Variants in PPID observed in about 807,000 individuals in gnomAD.
PPID encodes peptidyl-prolyl cis-trans isomerase D.
PPID carries 47 observed loss-of-function variants against 48.1 expected under a neutral mutation model. The observed-to-expected ratio is 0.98, with a 90% CI of 0.77 to 1.25. The LOEUF is 1.25. Among genes scored for constraint, PPID ranks in the 50% most tolerant of loss-of-function variants. The pLI is 0.00. For synonymous variants in PPID, 163 were observed against 148.8 expected (o/e 1.10, Z -0.69); for missense variants, 429 against 443.5 (o/e 0.97, Z 0.29).
rs1774820589 is a variant in PPID, at chr4:158,713,371, T to A, written c.753-111A>T. ...CTGATATAAAAAGCTCTAAAAATGC[T>A]ATTAATAATCTTAATGATCACACTT... On this transcript the variant is annotated intron_variant, in intron 6 of 9. Coordinates refer to ENST00000307720, the MANE Select transcript of PPID (RefSeq NM_005038.3). The A allele has an allele frequency of 2.7e-6, 3 of 1,113,442 alleles. No individual in the cohort carries two copies. The South Asian group carries it at 6.9e-5, about 26-fold the overall frequency. The allele number at this position is 1,113,442 out of a possible 1,614,324, so 69.0% of individuals were successfully genotyped here.
In PPID at chr4:158,716,885, T is replaced by C. The variant is rs6817005; in HGVS notation, c.522+127A>G. The C allele has an allele frequency of 4.1e-3, 3,806 of 924,946 alleles. 79 individuals carry two copies. In the African/African-American group the frequency reaches 0.049, roughly 12 times the overall value. The allele number at this position is 924,946 out of a possible 1,614,324, so 57.3% of individuals were successfully genotyped here. A position where few individuals can be genotyped will look rare whatever the true frequency, so the allele number is the denominator to read the frequency against. The stretch of plus-strand genomic sequence containing the variant: ...CTGAGGCAGGAGAATAGCTTGAACC[T>C]GGGAGACAGAGGCTGCAGTGAGCCG... On this transcript the variant is annotated intron_variant, in intron 4 of 9. Transcript: ENST00000307720.
Position 158,719,968 on chromosome 4 carries a change from G to A in PPID, c.227-682C>T, listed in dbSNP as rs17843903. 2.5e-3 allele frequency among the ~76,000 whole-genome samples: 382 copies of A among 152,184 alleles called. 1 individual carries two copies. The highest frequency in any genetic ancestry group is 8.9e-3 in the African/African-American group (369 of 41,494). On this transcript the variant is annotated intron_variant, in intron 2 of 9. Transcript: ENST00000307720. Reference sequence around the variant, plus strand: ...GTGCAGGCTTCCTTATGCTTTCTCCGTCCCATGAAGTGCTACAGAACACAC... The same window carrying A: ...GTGCAGGCTTCCTTATGCTTTCTCCATCCCATGAAGTGCTACAGAACACAC...
chr4:158,712,784 T>G (rs1021580933), intron 7 of PPID, among the ~76,000 whole-genome samples: 2 of 151,918 alleles, frequency 1.3e-5, no homozygotes, highest in Non-Finnish European at 2.9e-5. Context: ...AAAAAAGCCA[T>G]GCCTGACTGA....
intron 9 of PPID, chr4:158,710,352 G>A (rs1261665732): frequency 1.9e-6 from 1 of 535,038 alleles, no homozygotes; most frequent in Non-Finnish European, 3.3e-6. Flanking sequence ...AAGACAAACA[G>A]TATTTAGACA....
chr4:158,713,363 A>G, intron 6 of PPID, 103 bp from the exon 7 acceptor site: 2 of 1,153,542 alleles, frequency 1.7e-6, no homozygotes. Context: ...AAAAAGCTCT[A>G]AAAATGCTAT....
At position 158,715,578 on chromosome 4, in the gene PPID, T is replaced by A. The variant is rs1580430927; in HGVS notation, c.629A>T (p.Asp210Val). The change falls in exon 5 of 10, where the codon GAT becomes GTT. Residue 210 changes from aspartate (D) to valine (V), a missense_variant. Physicochemically the swap from Asp to Val is radical, Grantham distance 152 (BLOSUM62 -3). Transcript: ENST00000307720. ...DSHPDFPEDADIDLKDVDKIL... is the reference protein window; with the variant it reads ...DSHPDFPEDAVIDLKDVDKIL... ...AGTACTCACATCTTTTAAATCTATA[T>A]CCGCATCCTCAGGGAAATCTGGATG... 5 of 1,613,862 alleles carry A rather than the reference T, an allele frequency of 3.1e-6. No individual in the cohort carries two copies. The highest frequency in any genetic ancestry group is 4.2e-6 in the Non-Finnish European group (5 of 1,179,848).
intron 3 of PPID, among the ~76,000 whole-genome samples, chr4:158,718,602 T>C (rs1056018754): frequency 6.6e-6 from 1 of 152,214 alleles, no homozygotes; most frequent in Non-Finnish European, 1.5e-5. Context: ...ACGACATTTT[T>C]TCAAATTATC....
chr4:158,714,790 A>G (rs1309236395), intron 6 of PPID, among the ~76,000 whole-genome samples: 1 of 152,128 alleles, frequency 6.6e-6, no homozygotes, highest in East Asian at 1.9e-4. Flanking sequence ...GGGTTTCACC[A>G]TATTGGCCAG....
At position 158,709,732 on chromosome 4, in the gene PPID, C is replaced by A. The variant is rs772920401; in HGVS notation, c.*4G>T. 1 of 1,589,836 alleles carries A rather than the reference C, an allele frequency of 6.3e-7. No homozygotes were observed. Among genetic ancestry groups the A allele is most frequent in the Non-Finnish European group, 8.6e-7 (1 of 1,161,546 alleles). ...AACACACAATAAGCAAAACTGAATC[C>A]TTTCTAAGCAAACATTTTTGCATAT... is the stretch of plus-strand genomic sequence containing the variant. On this transcript the variant is annotated 3_prime_UTR_variant, in exon 10 of 10. Transcript: ENST00000307720.
Position 158,709,783 on chromosome 4 carries a change from C to T in PPID, c.1066G>A (p.Ala356Thr). ...ELLKVKQKIK[A>T]QKDKEKAVYA... ...ACTGCCTTCTCTTTATCTTTCTGTG[C>T]CTTTATCTTTTGTTTGACTTTCAGC... The change falls in exon 10 of 10, where the codon GCA (alanine) becomes ACA (threonine). Residue 356 changes from alanine to threonine, a missense_variant. By Grantham distance (58) the Ala-to-Thr change is moderately conservative. Coordinates refer to ENST00000307720, the MANE Select transcript of PPID (RefSeq NM_005038.3). 6.2e-7 allele frequency: 1 copy of T among 1,611,916 alleles called. No individual in the cohort carries two copies. Among genetic ancestry groups the T allele is most frequent in the Non-Finnish European group, 8.5e-7 (1 of 1,178,908 alleles).
At position 158,709,675 on chromosome 4, in the gene PPID, CCTTTACATTTT is replaced by C. The variant is rs1050785789; in HGVS notation, c.*50_*60del. The C allele has an allele frequency of 7.7e-7, 1 of 1,290,868 alleles. No homozygotes were observed. Among genetic ancestry groups the C allele is most frequent in the African/African-American group, 1.5e-5 (1 of 68,040 alleles). 80.0% of individuals were successfully genotyped at this position (1,290,868 alleles called of 1,614,324 possible). On this transcript the variant is annotated 3_prime_UTR_variant, in exon 10 of 10. Transcript: ENST00000307720. ...TAGGGATCATATTCATAGACAAAAA[CCTTTACATTTT>C]CTTATTGCATTTATACAATCAACAC... is the stretch of plus-strand genomic sequence containing the variant.
At chr4:158,721,584 C>T in intron 1 of PPID, 101 bp from the exon 2 acceptor site, 1 of 1,342,940 alleles carries the variant, frequency 7.4e-7, no homozygotes, top group Non-Finnish European at 1.0e-6. Flanking sequence ...TCATGAATTA[C>T]CAAGTTCCCC....
rs1353982742 is a variant in PPID at position 158,715,364 on chromosome 4, T to A, written c.685A>T (p.Ile229Phe). 6.5e-7 allele frequency: 1 copy of A among 1,542,234 alleles called. No individual in the cohort carries two copies. Among genetic ancestry groups the A allele is most frequent in the South Asian group, 1.3e-5 (1 of 77,686 alleles). Residue 229 changes from isoleucine to phenylalanine, a missense_variant, in exon 6 of 10, where the codon ATT becomes TTT. Transcript: ENST00000307720. Reference sequence around the variant, plus strand: ...TGGGATTTGAAAAAAGTATTTCCAATGTTTTTTAAGTCTTCTGTTATTAAT... The same window carrying A: ...TGGGATTTGAAAAAAGTATTTCCAAAGTTTTTTAAGTCTTCTGTTATTAAT... ...ILLITEDLKN[I>F]GNTFFKSQNW...
intron 6 of PPID, among the ~76,000 whole-genome samples, chr4:158,713,821 AG>A (rs914972978): frequency 6.6e-6 from 1 of 152,146 alleles, no homozygotes; most frequent in African/African-American, 2.4e-5. Context: ...GCCAAAGGAA[AG>A]GGGCCTTCCA....
At chr4:158,715,773 C>T in intron 4 of PPID, 89 bp from the exon 5 acceptor site, 1 of 1,410,252 alleles carries the variant, frequency 7.1e-7, no homozygotes, top group African/African-American at 1.4e-5. Context: ...CAGCACTGTC[C>T]AATTCACAGA....
At chr4:158,711,981 ATCTTT>A (rs1170876331) in intron 7 of PPID, among the ~76,000 whole-genome samples, 1 of 152,092 alleles carries the variant, frequency 6.6e-6, no homozygotes, top group Non-Finnish European at 1.5e-5. Context: ...GTGAAGACCC[ATCTTT>A]TCTTTTGATA....
Position 158,709,723 on chromosome 4 carries a change from A to C in PPID, c.*13T>G, listed in dbSNP as rs1774748384. The C allele has an allele frequency of 6.4e-7, 1 of 1,568,780 alleles. No homozygotes were observed. The highest frequency in any genetic ancestry group is 1.7e-5 in the Admixed American group (1 of 59,134). ...TATACAATCAACACACAATAAGCAA[A>C]ACTGAATCCTTTCTAAGCAAACATT... On this transcript the variant is annotated 3_prime_UTR_variant, in exon 10 of 10. Transcript: ENST00000307720.
chr4:158,715,663 C>T lies in PPID; in HGVS notation c.544G>A (p.Gly182Arg). The T allele has an allele frequency of 1.2e-6, 2 of 1,609,806 alleles. No homozygotes were observed. Among genetic ancestry groups the T allele is most frequent in the South Asian group, 2.2e-5 (2 of 90,988 alleles). Reference sequence around the variant, plus strand: ...CCGTCATCTCCTTCCTTCAATTCTCCACATTCTGCAATAACGCACAACTGT... The same window carrying T: ...CCGTCATCTCCTTCCTTCAATTCTCTACATTCTGCAATAACGCACAACTGT... Reference protein sequence around the residue: ...PAKLCVIAECGELKEGDDGGI... With the variant: ...PAKLCVIAECRELKEGDDGGI... The change falls in exon 5 of 10, where the codon GGA (glycine) becomes AGA (arginine). Residue 182 changes from glycine (G) to arginine (R), a missense_variant. Physicochemically the swap from Gly to Arg is moderately radical, Grantham distance 125. Coordinates refer to ENST00000307720, the MANE Select transcript of PPID (RefSeq NM_005038.3).
intron 4 of PPID, 23 bp from the exon 5 acceptor site, chr4:158,715,707 T>C (rs1580431048): frequency 6.3e-7 from 1 of 1,596,894 alleles, no homozygotes; most frequent in Non-Finnish European, 8.6e-7. Flanking sequence ...CCCTAAATTG[T>C]AGAAGTGCAC....
Sources: allele counts gnomAD v4.1 joint callset (sites outside exome capture counted in the v4.1 genomes callset), GRCh38; gene constraint gnomAD v4.1.1; transcripts MANE v1.5; gene names NCBI Gene and HGNC (gene_info 2026-07-23, HGNC 2026-07-21).